The following KAZN variants were observed in gnomAD, a reference collection of about 807,000 sequenced individuals.
KAZN encodes kazrin, periplakin interacting protein.
A neutral mutation model predicts 87.4 loss-of-function variants in KAZN; 40 were observed. The observed-to-expected ratio is 0.46, with a 90% CI of 0.36 to 0.60. KAZN has a LOEUF of 0.60. KAZN is among the 20% of genes least tolerant of loss of function. The pLI is 0.00. For missense variants in KAZN, 898 were observed against 1,073.9 expected, an observed-to-expected ratio of 0.84 and a Z score of 2.29; for synonymous variants, 466 against 458.3, an observed-to-expected ratio of 1.02 and a Z score of -0.22.
intron 1 of KAZN, among the ~76,000 whole-genome samples, chr1:14,830,240 G>A (rs2103117): frequency 0.12 from 18,066 of 152,118 alleles, 1,228 homozygotes; most frequent in African/African-American, 0.17. Flanking sequence ...TCCCTGAGCC[G>A]TAGCAGGTGG....
intron 2 of KAZN, among the ~76,000 whole-genome samples, chr1:14,199,633 G>T (rs1045049251): frequency 6.6e-6 from 1 of 152,194 alleles, no homozygotes; most frequent in African/African-American, 2.4e-5. Context: ...GGGCTCTGGG[G>T]ATGAAGTAAG....
In KAZN at chr1:15,077,603, G is replaced by A. The variant is rs72639887; in HGVS notation, c.1222+11850G>A. ...CCAGGTCAGCTGCTTGCAGCCACGT[G>A]ACTCAGTTGTTTTTTATAGTCACTA... On this transcript the variant is annotated intron_variant, in intron 8 of 14. Transcript: ENST00000376030. This position sits in a 1 kb window ranked among gnomAD's most constrained non-coding sequence, Gnocchi z 4.8. 5.6e-3 allele frequency among the ~76,000 whole-genome samples: 851 copies of A among 152,326 alleles called. 9 individuals carry two copies. Among genetic ancestry groups the A allele is most frequent in the East Asian group, 0.037 (192 of 5,174 alleles).
At chr1:14,284,993 G>A (rs1389391885) in intron 2 of KAZN, among the ~76,000 whole-genome samples, 1 of 152,102 alleles carries the variant, frequency 6.6e-6, no homozygotes, top group Non-Finnish European at 1.5e-5. Context: ...CAGAGAACAT[G>A]GACGTACTTT....
intron 2 of KAZN, among the ~76,000 whole-genome samples, chr1:14,333,559 G>C (rs1657000449): frequency 6.6e-6 from 1 of 152,158 alleles, no homozygotes; most frequent in Admixed American, 6.5e-5. Flanking sequence ...ATGTGGCAGG[G>C]AATTAAACAG....
intron 2 of KAZN, among the ~76,000 whole-genome samples, chr1:14,316,827 T>C (rs996234143): frequency 6.6e-6 from 1 of 152,014 alleles, no homozygotes; most frequent in East Asian, 1.9e-4. Context: ...TTTCTAGTTA[T>C]CTGAGAATTT....
intron 2 of KAZN, among the ~76,000 whole-genome samples, chr1:15,013,768 A>C (rs899235353): frequency 3.4e-5 from 5 of 149,052 alleles, no homozygotes; most frequent in Admixed American, 1.3e-4. Flanking sequence ...AAAAAAAAAG[A>C]GAGAGATGGG....
intron 1 of KAZN, among the ~76,000 whole-genome samples, chr1:14,136,729 G>T (rs6671183): frequency 0.54 from 81,704 of 151,862 alleles, 23,018 homozygotes; most frequent in East Asian, 0.73. Context: ...GGCTTGACTT[G>T]ATGAGGTTAG....
intron 1 of KAZN, among the ~76,000 whole-genome samples, chr1:14,839,088 G>A (rs1033617407): frequency 9.9e-5 from 15 of 152,176 alleles, no homozygotes; most frequent in Non-Finnish European, 1.8e-4. Context: ...CTGCAGAGGT[G>A]CTTCCTAAAC....
chr1:14,434,230 A>G (rs548241614), intron 2 of KAZN, among the ~76,000 whole-genome samples: 84 of 152,254 alleles, frequency 5.5e-4, no homozygotes, highest in South Asian at 1.5e-3. Context: ...CATGAAAAAA[A>G]TCCTGTTATG....
intron 2 of KAZN, among the ~76,000 whole-genome samples, chr1:14,245,067 TCTCCTGC>T (rs958926258): frequency 6.6e-5 from 10 of 151,940 alleles, no homozygotes; most frequent in African/African-American, 2.4e-4. Flanking sequence ...TTCAAGTAAT[TCTCCTGC>T]CTCAGCCTCC....
intron 2 of KAZN, among the ~76,000 whole-genome samples, chr1:14,229,159 C>T (rs55710690): frequency 1.3e-4 from 20 of 152,190 alleles, no homozygotes; most frequent in South Asian, 1.2e-3. Flanking sequence ...GCACCACGAA[C>T]GGCAAAAAAG....
chr1:14,275,241 T>C (rs1571200615), intron 2 of KAZN, among the ~76,000 whole-genome samples: 2 of 152,108 alleles, frequency 1.3e-5, no homozygotes, highest in East Asian at 3.9e-4. Flanking sequence ...ATGCAGTCCT[T>C]CATAGCAACA....
At chr1:14,167,103 C>G (rs1645844273) in intron 1 of KAZN, among the ~76,000 whole-genome samples, 1 of 152,246 alleles carries the variant, frequency 6.6e-6, no homozygotes, top group African/African-American at 2.4e-5. Flanking sequence ...CTGGACCCAT[C>G]TAACTGGGTT....
chr1:14,635,016 C>A (rs548868506), intron 1 of KAZN, among the ~76,000 whole-genome samples: 2 of 152,224 alleles, frequency 1.3e-5, no homozygotes, highest in South Asian at 2.1e-4. Context: ...TCATTTTCCC[C>A]GTCCATAAAA....
chr1:13,946,101 C>A (rs774145810), intron 1 of KAZN, among the ~76,000 whole-genome samples: 5 of 152,182 alleles, frequency 3.3e-5, no homozygotes, highest in Non-Finnish European at 5.9e-5. Flanking sequence ...CCAGAGTTAG[C>A]TTTTCTGTAT....
intron 1 of KAZN, among the ~76,000 whole-genome samples, chr1:14,935,981 C>G (rs1229446911): frequency 1.3e-5 from 2 of 152,204 alleles, no homozygotes; most frequent in Non-Finnish European, 2.9e-5. Context: ...CCAGATGGGC[C>G]CATTTCCCTG....
At chr1:14,909,777 G>C (rs1294146172) in intron 1 of KAZN, among the ~76,000 whole-genome samples, 11 of 152,202 alleles carry the variant, frequency 7.2e-5, no homozygotes, top group Admixed American at 7.2e-4. Flanking sequence ...CAGGCTTGGT[G>C]CTTATGCCTG....
At chr1:14,016,239 T>C (rs974701050) in intron 1 of KAZN, among the ~76,000 whole-genome samples, 14 of 152,224 alleles carry the variant, frequency 9.2e-5, no homozygotes, top group African/African-American at 3.4e-4. Context: ...TAACTATTGC[T>C]GTATTTATTA....
chr1:14,076,019 T>C (rs151260168), intron 1 of KAZN, among the ~76,000 whole-genome samples: 1,616 of 152,224 alleles, frequency 0.011, 33 homozygotes, highest in African/African-American at 0.037. Context: ...CGGTGGCTCA[T>C]GCCTGTAATC....
Sources: gnomAD v4.1 joint callset for allele counts (sites outside exome capture counted in the v4.1 genomes callset) on GRCh38, gnomAD v4.1.1 for gene constraint, Gnocchi (gnomAD v3.1) non-coding constraint, MANE v1.5 for transcripts, NCBI Gene and HGNC (gene_info 2026-07-23, HGNC 2026-07-21) for gene names.